PLCB4: variants seen among roughly 807,000 people sequenced by gnomAD.
PLCB4 encodes the protein phospholipase C beta 4, also known as 1-phosphatidylinositol 4,5-bisphosphate phosphodiesterase beta-4.
Under a neutral mutation model 178.8 loss-of-function variants are expected in PLCB4, and 77 were observed. That is an observed-to-expected ratio of 0.43 (90% confidence interval 0.36 to 0.52). The LOEUF (loss-of-function observed/expected upper bound fraction) is 0.52. Among genes scored for constraint, PLCB4 ranks in the 20% least tolerant of loss-of-function variants. The pLI, the probability that PLCB4 is intolerant of heterozygous loss-of-function variation, is 0.00. For missense variants in PLCB4, 1,024 were observed against 1,453.4 expected, an observed-to-expected ratio of 0.70 and a Z score of 4.80; for synonymous variants, 496 against 490.8, an observed-to-expected ratio of 1.01 and a Z score of -0.14.
chr20:9,143,224 T>C (rs1006651776), intron 2 of PLCB4, among the ~76,000 whole-genome samples: 6 of 152,176 alleles, frequency 3.9e-5, no homozygotes, highest in African/African-American at 1.2e-4. Flanking sequence ...TCGTTTGTTG[T>C]CCATCTCCCT....
intron 14 of PLCB4, among the ~76,000 whole-genome samples, chr20:9,386,925 CT>C (rs1399568335): frequency 1.4e-5 from 2 of 147,968 alleles, no homozygotes; most frequent in African/African-American, 5.0e-5. Context: ...CAGAGTCTTA[CT>C]TTGTTGCCCA....
At chr20:9,071,593 G>A (rs2089577048) in intron 1 of PLCB4, among the ~76,000 whole-genome samples, 1 of 151,978 alleles carries the variant, frequency 6.6e-6, no homozygotes, top group South Asian at 2.1e-4. Context: ...GATGTAGCTG[G>A]AAAACTCAAA....
At chr20:9,430,457 C>T (rs990626175) in intron 28 of PLCB4, among the ~76,000 whole-genome samples, 3 of 152,132 alleles carry the variant, frequency 2.0e-5, no homozygotes, top group African/African-American at 7.2e-5. Context: ...TAAAGGCAGC[C>T]TCTAACTGCA....
At chr20:9,354,567 A>G (rs530833117) in intron 7 of PLCB4, among the ~76,000 whole-genome samples, 1 of 152,300 alleles carries the variant, frequency 6.6e-6, no homozygotes, top group African/African-American at 2.4e-5. Context: ...ACTTCCGGTA[A>G]ATTCCTATGA....
intron 2 of PLCB4, among the ~76,000 whole-genome samples, chr20:9,119,203 A>G (rs2091880161): frequency 6.6e-6 from 1 of 152,148 alleles, no homozygotes; most frequent in African/African-American, 2.4e-5. Context: ...GTATTTCTCT[A>G]GGTTACATTC....
chr20:9,109,770 C>T (rs2146682579), intron 2 of PLCB4, among the ~76,000 whole-genome samples: 1 of 152,004 alleles, frequency 6.6e-6, no homozygotes, highest in African/African-American at 2.4e-5. Flanking sequence ...TCCTTTTTTT[C>T]TTGCCAGGAC....
intron 2 of PLCB4, among the ~76,000 whole-genome samples, chr20:9,157,079 G>C (rs945391415): frequency 2.0e-5 from 3 of 151,806 alleles, no homozygotes; most frequent in Admixed American, 6.6e-5. Context: ...CCTGCTAAAT[G>C]GAGTGGAGTG....
chr20:9,204,156 T>G (rs2093587076), intron 2 of PLCB4, among the ~76,000 whole-genome samples: 1 of 152,116 alleles, frequency 6.6e-6, no homozygotes, highest in African/African-American at 2.4e-5. Context: ...ATTAAAAAGA[T>G]TCAAAATAGT....
At chr20:9,088,178 CTT>C (rs10554943) in intron 1 of PLCB4, among the ~76,000 whole-genome samples, 10,172 of 98,388 alleles carry the variant, frequency 0.1, 513 homozygotes, top group East Asian at 0.24. Flanking sequence ...CTTTTCTTTT[CTT>C]TTTTTTTTTT....
intron 30 of PLCB4, among the ~76,000 whole-genome samples, chr20:9,437,788 G>T (rs559009888): frequency 2.0e-5 from 3 of 152,294 alleles, no homozygotes; most frequent in African/African-American, 7.2e-5. Flanking sequence ...CTTGGCAGAA[G>T]AATTCATTGA....
chr20:9,429,799 AG>A (rs2041270690), intron 28 of PLCB4, among the ~76,000 whole-genome samples: 1 of 152,256 alleles, frequency 6.6e-6, no homozygotes, highest in South Asian at 2.1e-4. Flanking sequence ...ATGCCAAGGC[AG>A]GCCTTGGCTC....
At chr20:9,369,897 A>G (rs2036098096) in intron 9 of PLCB4, among the ~76,000 whole-genome samples, 1 of 152,234 alleles carries the variant, frequency 6.6e-6, no homozygotes, top group Non-Finnish European at 1.5e-5. Context: ...TTCCAAAGCC[A>G]GCCCTCATGG....
intron 32 of PLCB4, among the ~76,000 whole-genome samples, chr20:9,449,935 C>T (rs2042650156): frequency 6.6e-6 from 1 of 152,194 alleles, no homozygotes; most frequent in African/African-American, 2.4e-5. Flanking sequence ...GAGTTACATG[C>T]TGAGCAAACA....
rs957763207 is a variant in PLCB4, at chr20:9,096,337, A to C, written c.-84A>C. ...GAATCCTGAAAATGTGATCTCCCTT[A>C]AAAAGGTAGGTGTATGTGCTTTTTA... On this transcript the variant is annotated 5_prime_UTR_variant, in exon 2 of 40. Transcript: ENST00000378473. 9 of 152,178 alleles carry C rather than the reference A, an allele frequency of 5.9e-5. No individual in the cohort carries two copies. The highest frequency in any genetic ancestry group is 1.2e-4 in the Non-Finnish European group (8 of 68,028). The allele number at this position is 152,178 out of a possible 1,614,324, so 9.4% of individuals were successfully genotyped here. A position where few individuals can be genotyped will look rare whatever the true frequency, so the allele number is the denominator to read the frequency against.
At chr20:9,398,812 A>G (rs1437026089) in intron 19 of PLCB4, among the ~76,000 whole-genome samples, 2 of 152,060 alleles carry the variant, frequency 1.3e-5, no homozygotes, top group Non-Finnish European at 2.9e-5. Flanking sequence ...TTATTACACC[A>G]ATTTTTCAGA....
chr20:9,121,075 AG>A (rs2091950644), intron 2 of PLCB4, among the ~76,000 whole-genome samples: 1 of 152,162 alleles, frequency 6.6e-6, no homozygotes, highest in Non-Finnish European at 1.5e-5. Flanking sequence ...TCTCTCTGGA[AG>A]GTCTCAAAGC....
At chr20:9,114,813 T>G (rs2091722601) in intron 2 of PLCB4, among the ~76,000 whole-genome samples, 1 of 152,308 alleles carries the variant, frequency 6.6e-6, no homozygotes, top group South Asian at 2.1e-4. Context: ...ACGACATTTC[T>G]TCCTGTCAAA....
chr20:9,321,952 C>CTTTTT (rs746419205), intron 4 of PLCB4, among the ~76,000 whole-genome samples: 10,556 of 139,934 alleles, frequency 0.075, 499 homozygotes, highest in Non-Finnish European at 0.11. Context: ...TTTTCTTTTT[C>CTTTTT]TTTTTTTTTT....
rs140050954 is a variant in PLCB4, at chr20:9,459,772, C to G, written c.3210C>G (p.His1070Gln). 3.2e-5 allele frequency: 52 copies of G among 1,611,970 alleles called. No individual in the cohort carries two copies. The East Asian group carries it at 6.3e-4, about 19-fold the overall frequency. The change falls in exon 35 of 40, where the codon CAC (histidine) becomes CAG (glutamine). Residue 1070 changes from histidine to glutamine, a missense_variant. Transcript: ENST00000378473. ...ELLKKLLINA[H>Q]EQQTQQLKLS... is the part of the protein sequence containing the mutation. ...TGAAAAAGCTACTCATCAATGCCCACGAGCAGCAAACCCAGCAGCTGAAAC... is the reference window on the plus strand; with the variant it reads ...TGAAAAAGCTACTCATCAATGCCCAGGAGCAGCAAACCCAGCAGCTGAAAC...
Sources: allele counts gnomAD v4.1 joint callset (sites outside exome capture counted in the v4.1 genomes callset), GRCh38; gene constraint gnomAD v4.1.1; transcripts MANE v1.5; gene names NCBI Gene and HGNC (gene_info 2026-07-23, HGNC 2026-07-21).